The following CDH8 variants were observed in gnomAD, a reference collection of about 807,000 sequenced individuals.
CDH8 encodes cadherin-8.
CDH8 carries 17 observed loss-of-function variants against 68.1 expected under a neutral mutation model. The ratio of observed to expected loss-of-function variants is 0.25; its 90% confidence interval spans 0.17 to 0.37. The LOEUF is 0.37. Ranked by LOEUF, CDH8 falls within the 10% of genes least tolerant of loss-of-function variation. The pLI is 1.00. For missense variants in CDH8, 763 were observed against 999.3 expected, an observed-to-expected ratio of 0.76 and a Z score of 3.19; for synonymous variants, 372 against 365.1, an observed-to-expected ratio of 1.02 and a Z score of -0.21.
chr16:61,654,134 A>G (rs1011169696), intron 11 of CDH8, 33 bp from the exon 12 acceptor site: 69 of 1,583,314 alleles, frequency 4.4e-5, no homozygotes, highest in Non-Finnish European at 5.6e-5. Context: ...CAGTCAGCCA[A>G]ACAAGCATAT....
intron 8 of CDH8, among the ~76,000 whole-genome samples, chr16:61,744,697 T>C (rs1959969076): frequency 6.6e-6 from 1 of 151,520 alleles, no homozygotes. Flanking sequence ...ATTACTTATA[T>C]AGTCTTTAAT....
intron 8 of CDH8, among the ~76,000 whole-genome samples, chr16:61,782,812 C>G (rs1034191111): frequency 3.9e-5 from 6 of 152,022 alleles, no homozygotes; most frequent in African/African-American, 1.4e-4. Flanking sequence ...CTGGGAGGCA[C>G]CCCCCAGCAG....
chr16:61,809,355 T>C (rs578013914), intron 7 of CDH8, among the ~76,000 whole-genome samples: 1 of 152,256 alleles, frequency 6.6e-6, no homozygotes, highest in East Asian at 1.9e-4. Context: ...CTTTCCTGCA[T>C]GTTCTCACTC....
chr16:61,813,877 A>G (rs1417957095), intron 7 of CDH8, among the ~76,000 whole-genome samples: 1 of 152,190 alleles, frequency 6.6e-6, no homozygotes, highest in Non-Finnish European at 1.5e-5. Flanking sequence ...ACTCACTAGT[A>G]ACAACATCCG....
intron 8 of CDH8, among the ~76,000 whole-genome samples, chr16:61,786,963 G>A (rs1301824463): frequency 1.3e-4 from 11 of 83,722 alleles, no homozygotes; most frequent in South Asian, 4.2e-4. Flanking sequence ...AGATTTAAAC[G>A]TTAGACCTAA....
rs534350472 is a variant in CDH8, at chr16:62,015,387, T to A, written c.252+5765A>T. Among the ~76,000 whole-genome samples the A allele has an allele frequency of 5.9e-5, 9 of 152,218 alleles. No individual in the cohort carries two copies. The East Asian group carries it at 1.4e-3, about 23-fold the overall frequency. ...AGAAAAAGGATATTCAATGAACATGTGGGGCATGTGTGTGTGTGTTTGTGT... is the reference window on the plus strand; with the variant it reads ...AGAAAAAGGATATTCAATGAACATGAGGGGCATGTGTGTGTGTGTTTGTGT... On this transcript the variant is annotated intron_variant, in intron 2 of 11. Transcript: ENST00000577390.
intron 2 of CDH8, among the ~76,000 whole-genome samples, chr16:62,002,650 C>G (rs574337040): frequency 2.0e-5 from 3 of 152,258 alleles, no homozygotes; most frequent in African/African-American, 4.8e-5. Context: ...AAATAAACTT[C>G]TTTTTGTAAA....
intron 10 of CDH8, among the ~76,000 whole-genome samples, chr16:61,659,708 TG>T (rs1963519514): frequency 6.6e-6 from 1 of 152,080 alleles, no homozygotes; most frequent in Non-Finnish European, 1.5e-5. Flanking sequence ...AAGGTTTAGC[TG>T]TCCCTCAGAG....
At chr16:61,801,780 T>C (rs890935485) in intron 7 of CDH8, among the ~76,000 whole-genome samples, 18 of 152,264 alleles carry the variant, frequency 1.2e-4, no homozygotes, top group East Asian at 9.7e-4. Context: ...CGGCGAACCA[T>C]GAGATTATAT....
intron 10 of CDH8, chr16:61,693,188 T>C (rs1261710079): frequency 6.6e-6 from 1 of 152,068 alleles, no homozygotes; most frequent in Non-Finnish European, 1.5e-5. Flanking sequence ...GGTTAAAAAA[T>C]AAAAGTATTT....
At chr16:62,035,118 T>C (rs1902422792) in intron 1 of CDH8, 3 of 152,350 alleles carry the variant, frequency 2.0e-5, no homozygotes. Context: ...CACGTTTTTT[T>C]ACCGTTTCCC....
At chr16:61,671,721 A>T (rs1963800186) in intron 10 of CDH8, among the ~76,000 whole-genome samples, 1 of 152,106 alleles carries the variant, frequency 6.6e-6, no homozygotes, top group South Asian at 2.1e-4. Context: ...GTGCTTTTGA[A>T]TCTTAAAATC....
chr16:61,733,249 C>A (rs895755815), intron 8 of CDH8, among the ~76,000 whole-genome samples: 5 of 151,688 alleles, frequency 3.3e-5, no homozygotes, highest in Non-Finnish European at 7.4e-5. Flanking sequence ...CCTGGAAGAA[C>A]CACTAAAAAC....
At chr16:62,008,401 A>T (rs947128465) in intron 2 of CDH8, among the ~76,000 whole-genome samples, 2 of 151,842 alleles carry the variant, frequency 1.3e-5, no homozygotes, top group Admixed American at 6.6e-5. Flanking sequence ...GAGCTGGGAG[A>T]GTCTCCATGT....
intron 8 of CDH8, among the ~76,000 whole-genome samples, chr16:61,779,462 T>TGTGTGTGC (rs1555509547): frequency 7.3e-6 from 1 of 136,228 alleles, no homozygotes; most frequent in Non-Finnish European, 1.6e-5. Flanking sequence ...TGTGTGTGTG[T>TGTGTGTGC]GTGCGCGCAT....
Position 61,650,898 on chromosome 16 carries a change from AAGTC to A in CDH8, c.*2706_*2709del, listed in dbSNP as rs1963308459. On this transcript the variant is annotated 3_prime_UTR_variant, in exon 12 of 12. Transcript: ENST00000577390. ...AATGCTGACACTGTGGTGGCAAAGAAAGTCAGCAAGAGATGCAAGCTTTCATTCT... is the reference window on the plus strand; with the variant it reads ...AATGCTGACACTGTGGTGGCAAAGAAAGCAAGAGATGCAAGCTTTCATTCT... 6.6e-6 allele frequency: 1 copy of A among 152,090 alleles called. No individual in the cohort carries two copies. The highest frequency in any genetic ancestry group is 1.5e-5 in the Non-Finnish European group (1 of 68,022). The allele number at this position is 152,090 out of a possible 1,614,324, so 9.4% of individuals were successfully genotyped here. A position where few individuals can be genotyped will look rare whatever the true frequency, so the allele number is the denominator to read the frequency against.
At chr16:61,656,272 T>G (rs1009501021) in intron 10 of CDH8, among the ~76,000 whole-genome samples, 1 of 152,214 alleles carries the variant, frequency 6.6e-6, no homozygotes, top group African/African-American at 2.4e-5. Context: ...ACCTTAAAAA[T>G]GCAAAATATT....
At chr16:61,703,692 T>A (rs1226048623) in intron 10 of CDH8, among the ~76,000 whole-genome samples, 2 of 151,932 alleles carry the variant, frequency 1.3e-5, no homozygotes, top group Non-Finnish European at 2.9e-5. Flanking sequence ...TACAAAAAAA[T>A]TAGCCGGGCG....
intron 6 of CDH8, among the ~76,000 whole-genome samples, chr16:61,819,562 T>C (rs909751950): frequency 1.3e-5 from 2 of 152,248 alleles, no homozygotes; most frequent in East Asian, 1.9e-4. Context: ...GGTAGAAAGA[T>C]AGCATTGCTC....
Sources: gnomAD v4.1 joint callset for allele counts (sites outside exome capture counted in the v4.1 genomes callset) on GRCh38, gnomAD v4.1.1 for gene constraint, MANE v1.5 for transcripts, NCBI Gene and HGNC (gene_info 2026-07-23, HGNC 2026-07-21) for gene names.